The following PRKCH variants were observed in gnomAD, a reference collection of about 807,000 sequenced individuals.
PRKCH encodes protein kinase C eta.
PRKCH carries 28 observed loss-of-function variants against 82.5 expected under a neutral mutation model. The ratio of observed to expected loss-of-function variants is 0.34; its 90% CI spans 0.25 to 0.47. The LOEUF is 0.47. Ranked by LOEUF, PRKCH falls within the 20% of genes least tolerant of loss-of-function variation. The pLI is 1.00. For synonymous variants in PRKCH, 322 were observed against 327.4 expected, an observed-to-expected ratio of 0.98 and a Z score of 0.18; for missense variants, 705 against 881.8, an observed-to-expected ratio of 0.80 and a Z score of 2.54.
chr14:61,262,411 G>A (rs80028559), intron 1 of PRKCH, among the ~76,000 whole-genome samples: 244 of 152,082 alleles, frequency 1.6e-3, no homozygotes, highest in African/African-American at 5.5e-3. Context: ...AGCATTGCGG[G>A]GATCAAAAGA....
At chr14:61,461,022 T>C (rs1857637809) in intron 9 of PRKCH, among the ~76,000 whole-genome samples, 1 of 151,896 alleles carries the variant, frequency 6.6e-6, no homozygotes, top group Non-Finnish European at 1.5e-5. Context: ...CCCAGCGTTA[T>C]CAAGAGAAAA....
At chr14:61,296,806 A>G (rs2045410201) in intron 1 of PRKCH, among the ~76,000 whole-genome samples, 2 of 152,220 alleles carry the variant, frequency 1.3e-5, no homozygotes, top group Non-Finnish European at 2.9e-5. Context: ...AACCCTATGT[A>G]TTATAGTTTC....
At chr14:61,431,100 C>G (rs1020471613) in intron 2 of PRKCH, among the ~76,000 whole-genome samples, 1 of 152,176 alleles carries the variant, frequency 6.6e-6, no homozygotes, top group Admixed American at 6.5e-5. Flanking sequence ...TGAGTGGGCT[C>G]AAACTTGCAT....
chr14:61,405,292 A>G (rs1310071106), intron 2 of PRKCH, among the ~76,000 whole-genome samples: 1 of 152,208 alleles, frequency 6.6e-6, no homozygotes, highest in Non-Finnish European at 1.5e-5. Flanking sequence ...AGTTCTAGTT[A>G]TGGATTATTA....
chr14:61,533,742 G>A (rs2043072720), intron 12 of PRKCH, among the ~76,000 whole-genome samples: 1 of 152,244 alleles, frequency 6.6e-6, no homozygotes, highest in Non-Finnish European at 1.5e-5. Context: ...TAACATGTGT[G>A]GGTGCCTGAA....
intron 9 of PRKCH, among the ~76,000 whole-genome samples, chr14:61,469,911 G>T (rs1378149725): frequency 6.6e-6 from 1 of 152,008 alleles, no homozygotes; most frequent in Non-Finnish European, 1.5e-5. Context: ...ACGCAGCAGT[G>T]AGCAAAACAG....
At chr14:61,299,908 AT>A (rs2045436522) in intron 1 of PRKCH, 1 of 152,242 alleles carries the variant, frequency 6.6e-6, no homozygotes, top group Non-Finnish European at 1.5e-5. Flanking sequence ...CCTATGCATT[AT>A]TATAAAACCT....
At chr14:61,525,883 G>A (rs1052060402) in intron 10 of PRKCH, 1 of 152,410 alleles carries the variant, frequency 6.6e-6, no homozygotes, top group African/African-American at 2.4e-5. Flanking sequence ...GATAAAGCTG[G>A]GCTCATGGGC....
At chr14:61,422,877 A>C (rs1882921450) in intron 2 of PRKCH, among the ~76,000 whole-genome samples, 1 of 152,162 alleles carries the variant, frequency 6.6e-6, no homozygotes, top group Admixed American at 6.5e-5. Context: ...GCACACACGT[A>C]TGCACACACC....
chr14:61,356,510 C>T (rs1336974632), intron 1 of PRKCH, among the ~76,000 whole-genome samples: 1 of 152,164 alleles, frequency 6.6e-6, no homozygotes. Flanking sequence ...CTGGCTTTGA[C>T]AATGGCATAT....
At chr14:61,251,136 C>A (rs1378961516) in intron 1 of PRKCH, among the ~76,000 whole-genome samples, 2 of 152,126 alleles carry the variant, frequency 1.3e-5, no homozygotes, top group African/African-American at 4.8e-5. Context: ...TTGATACAGG[C>A]ATGCAATGTG....
chr14:61,231,801 C>T (rs56051000), intron 1 of PRKCH, among the ~76,000 whole-genome samples: 106,846 of 151,950 alleles, frequency 0.7, 40,863 homozygotes, highest in Non-Finnish European at 0.87. Flanking sequence ...TCTGTTTAGA[C>T]GCACAAAATG....
intron 1 of PRKCH, among the ~76,000 whole-genome samples, chr14:61,301,202 A>G (rs1279361964): frequency 1.3e-5 from 2 of 152,196 alleles, no homozygotes; most frequent in Non-Finnish European, 2.9e-5. Flanking sequence ...ACCCCAGACA[A>G]TGACTCTACT....
chr14:61,308,753 C>G (rs561307378), intron 1 of PRKCH, among the ~76,000 whole-genome samples: 1 of 152,096 alleles, frequency 6.6e-6, no homozygotes, highest in Admixed American at 6.5e-5. Context: ...CTCAGCCTCC[C>G]GAGGAGCTAG....
chr14:61,352,689 G>A (rs908242593), intron 1 of PRKCH, among the ~76,000 whole-genome samples: 2 of 126,456 alleles, frequency 1.6e-5, no homozygotes, highest in African/African-American at 6.2e-5. Flanking sequence ...AGAAAGGAAA[G>A]GAAAGAAAGA....
Position 61,391,264 on chromosome 14 carries a change from A to AAT in PRKCH, c.403_404insAT (p.Thr135AsnfsTer46), listed in dbSNP as rs776075929. ...AGAGGGGAAAGTATTTGTGGTAATA[A>AAT]CCCTTACCGGGAGTTTCACTGAAGG... On this transcript the variant is annotated frameshift_variant, in exon 2 of 14. Transcript: ENST00000332981. LOFTEE classifies it high-confidence loss of function. 1 of 1,611,052 alleles carries AAT rather than the reference A, an allele frequency of 6.2e-7. No individual in the cohort carries two copies.
At chr14:61,250,132 C>T (rs916433578) in intron 1 of PRKCH, among the ~76,000 whole-genome samples, 3 of 150,546 alleles carry the variant, frequency 2.0e-5, no homozygotes, top group African/African-American at 7.3e-5. Flanking sequence ...CGGTCGTGGG[C>T]GCCTGTAATC....
At chr14:61,317,554 G>A (rs551622156), upstream of PRKCH, among the ~76,000 whole-genome samples, 4 of 152,168 alleles carry the variant, frequency 2.6e-5, no homozygotes, top group East Asian at 1.9e-4. Context: ...GACTACAGGC[G>A]TGAGCCATGG....
chr14:61,263,705 C>T (rs1471688638), intron 1 of PRKCH, among the ~76,000 whole-genome samples: 2 of 151,786 alleles, frequency 1.3e-5, no homozygotes, highest in Non-Finnish European at 2.9e-5. Context: ...AATAATCAGC[C>T]AAGTTCATCT....
Sources: gnomAD v4.1 joint callset for allele counts (sites outside exome capture counted in the v4.1 genomes callset) on GRCh38, gnomAD v4.1.1 for gene constraint, MANE v1.5 for transcripts, NCBI Gene and HGNC (gene_info 2026-07-23, HGNC 2026-07-21) for gene names.